The following CD96 variants were observed in gnomAD, a reference collection of about 807,000 sequenced individuals.
The protein encoded by CD96 is T-cell surface protein tactile.
In CD96, 70 loss-of-function variants were observed where a neutral mutation model predicts 71.3. The ratio of observed to expected loss-of-function variants is 0.98; its 90% CI spans 0.81 to 1.20. The LOEUF (loss-of-function observed/expected upper bound fraction) is 1.20, where lower values mean the gene tolerates loss of function less well. CD96 is among the 50% of genes most tolerant of loss of function. CD96 has a pLI of 0.00. For synonymous variants in CD96, 248 were observed against 233.0 expected (o/e 1.06, Z -0.59); for missense variants, 742 against 677.5 (o/e 1.10, Z -1.06).
chr3:111,645,670 C>T (rs1249915626), intron 12 of CD96, among the ~76,000 whole-genome samples: 10 of 152,226 alleles, frequency 6.6e-5, no homozygotes, highest in Non-Finnish European at 4.4e-5. Context: ...GACCAATTGT[C>T]TCTTTCATGA....
intron 8 of CD96, among the ~76,000 whole-genome samples, chr3:111,611,888 T>G (rs1352123363): frequency 6.6e-6 from 1 of 152,324 alleles, no homozygotes; most frequent in African/African-American, 2.4e-5. Flanking sequence ...CTTCAACTCA[T>G]TTAGCCCCAA....
chr3:111,623,705 T>A (rs1394660356), intron 8 of CD96, 49 bp from the exon 9 acceptor site: 1 of 1,159,866 alleles, frequency 8.6e-7, no homozygotes, highest in Admixed American at 1.7e-5. Context: ...CAGTTAAACA[T>A]ACGAATGTAA....
chr3:111,648,919 C>T (rs1008009345), intron 13 of CD96, among the ~76,000 whole-genome samples: 6 of 152,210 alleles, frequency 3.9e-5, no homozygotes, highest in Non-Finnish European at 7.4e-5. Flanking sequence ...TAATGCATTT[C>T]GGAAAAAGAG....
At chr3:111,578,682 A>G (rs773107380) in intron 3 of CD96, among the ~76,000 whole-genome samples, 11 of 152,222 alleles carry the variant, frequency 7.2e-5, no homozygotes, top group South Asian at 2.1e-4. Context: ...TCTTAGCAGT[A>G]AGATGTCAGA....
chr3:111,547,352 A>G (rs930027991), intron 2 of CD96, among the ~76,000 whole-genome samples: 3 of 152,166 alleles, frequency 2.0e-5, no homozygotes, highest in African/African-American at 7.2e-5. Flanking sequence ...CTCATTTGGA[A>G]CCCAGTAAGA....
At position 111,545,080 on chromosome 3, in the gene CD96, T is replaced by C. The variant is rs1489707833; in HGVS notation, c.96T>C (p.Asn32=). Residue 32 remains asparagine (N), a synonymous_variant, in exon 2 of 14, where the codon AAT becomes AAC. Transcript: ENST00000352690. ...AAAAAACAGTCAACACAGAAGAAAA[T>C]GTTTATGCTACACTTGGCTCTGATG... is the stretch of plus-strand genomic sequence containing the variant. The part of the protein sequence containing the change: ...VWEKTVNTEE[N]VYATLGSDVN... 16 of 1,613,952 alleles carry C rather than the reference T, an allele frequency of 9.9e-6. No homozygotes were observed. The highest frequency in any genetic ancestry group is 1.3e-5 in the Non-Finnish European group (15 of 1,180,024).
rs540725277 is a variant in CD96, at chr3:111,627,773, C to A, written c.1321+3369C>A. On this transcript the variant is annotated intron_variant, in intron 10 of 13. Coordinates refer to ENST00000352690, the MANE Select transcript of CD96 (RefSeq NM_005816.5). ...TCAGGCCAGCAACAGGTCAGTACCC[C>A]CCTGGGACAGAGCTTTCAGAGGAAT... Among the ~76,000 whole-genome samples the A allele has an allele frequency of 4.6e-5, 7 of 152,284 alleles. No individual in the cohort carries two copies. In the East Asian group the frequency reaches 7.7e-4, roughly 17 times the overall value.
chr3:111,636,342 G>T (rs1263312009), intron 10 of CD96, among the ~76,000 whole-genome samples: 1 of 152,124 alleles, frequency 6.6e-6, no homozygotes, highest in African/African-American at 2.4e-5. Flanking sequence ...TTTTGATTTT[G>T]CTCACTTGAT....
At chr3:111,648,692 G>A (rs549749529) in intron 13 of CD96, among the ~76,000 whole-genome samples, 1 of 152,188 alleles carries the variant, frequency 6.6e-6, no homozygotes, top group African/African-American at 2.4e-5. Context: ...AAATTGTTCT[G>A]TATTCAAATG....
chr3:111,647,618 T>C lies in CD96; in HGVS notation c.1553T>C (p.Ile518Thr). 1 of 1,611,674 alleles carries C rather than the reference T, an allele frequency of 6.2e-7. No homozygotes were observed. Among genetic ancestry groups the C allele is most frequent in the Non-Finnish European group, 8.5e-7 (1 of 1,177,858 alleles). Residue 518 changes from isoleucine to threonine, a missense_variant, in exon 13 of 14, where the codon ATA (isoleucine) becomes ACA (threonine). By Grantham distance (89) the Ile-to-Thr change is moderately conservative. Transcript: ENST00000352690. ...IVAALLFCCMILFGLGVRKWC... is the reference protein window; with the variant it reads ...IVAALLFCCMTLFGLGVRKWC... ...GCAGCTTTACTCTTTTGCTGCATGA[T>C]ATTGTTTGGTCTTGGAGTGAGAAAA...
At chr3:111,569,657 T>C (rs926380400) in intron 3 of CD96, among the ~76,000 whole-genome samples, 5 of 152,256 alleles carry the variant, frequency 3.3e-5, no homozygotes, top group African/African-American at 1.2e-4. Context: ...ATATTTTTAC[T>C]GTAGTGTTCT....
At chr3:111,572,683 A>G (rs1396803825) in intron 3 of CD96, among the ~76,000 whole-genome samples, 2 of 152,244 alleles carry the variant, frequency 1.3e-5, no homozygotes, top group Non-Finnish European at 2.9e-5. Flanking sequence ...CAAGTGACTC[A>G]TGAAACCCTG....
At chr3:111,638,594 T>C (rs1312434924) in intron 12 of CD96, among the ~76,000 whole-genome samples, 1 of 152,220 alleles carries the variant, frequency 6.6e-6, no homozygotes, top group Non-Finnish European at 1.5e-5. Flanking sequence ...TCAACTAATA[T>C]AATATTGTCA....
intron 3 of CD96, chr3:111,577,590 G>A: frequency 7.7e-7 from 1 of 1,301,148 alleles, no homozygotes; most frequent in Non-Finnish European, 1.1e-6. Flanking sequence ...AGCAGAGTAT[G>A]ATTATTTGCA....
At chr3:111,632,679 T>C (rs1939129323) in intron 10 of CD96, among the ~76,000 whole-genome samples, 1 of 152,214 alleles carries the variant, frequency 6.6e-6, no homozygotes, top group Non-Finnish European at 1.5e-5. Context: ...GGTATGTTCA[T>C]TGCAGCACTA....
At chr3:111,596,820 T>C (rs747497854) in intron 5 of CD96, among the ~76,000 whole-genome samples, 10 of 152,148 alleles carry the variant, frequency 6.6e-5, no homozygotes, top group Non-Finnish European at 1.2e-4. Flanking sequence ...CTGGCCCATA[T>C]ATGTATCCCC....
intron 3 of CD96, chr3:111,570,954 C>A: frequency 6.4e-7 from 1 of 1,554,842 alleles, no homozygotes; most frequent in Non-Finnish European, 8.9e-7. Context: ...CTTGAGTGGG[C>A]TGTGCTCTGA....
At chr3:111,547,267 A>G (rs914209470) in intron 2 of CD96, among the ~76,000 whole-genome samples, 4 of 152,212 alleles carry the variant, frequency 2.6e-5, no homozygotes, top group African/African-American at 9.6e-5. Context: ...AAGAATAGTA[A>G]TAATTATATT....
chr3:111,545,283 A>ATTCCTCTGC lies in CD96; in HGVS notation c.299_300insTTCCTCTGC (p.Lys100delinsAsnSerSerAla). The stretch of plus-strand genomic sequence containing the variant: ...ACAGAAACTCCTGAGAATGGGTCAA[A>ATTCCTCTGC]ATGGACTCTGCACTTAAGGAATATG... On this transcript the variant is annotated protein_altering_variant, in exon 2 of 14. Coordinates refer to ENST00000352690, the MANE Select transcript of CD96 (RefSeq NM_005816.5). 6.2e-7 allele frequency: 1 copy of ATTCCTCTGC among 1,614,076 alleles called. No individual in the cohort carries two copies. The highest frequency in any genetic ancestry group is 8.5e-7 in the Non-Finnish European group (1 of 1,179,928).
Sources: gnomAD v4.1 joint callset for allele counts (sites outside exome capture counted in the v4.1 genomes callset) on GRCh38, gnomAD v4.1.1 for gene constraint, MANE v1.5 for transcripts, NCBI Gene and HGNC (gene_info 2026-07-23, HGNC 2026-07-21) for gene names.